TMC7: variants seen among roughly 807,000 people sequenced by gnomAD.
TMC7 encodes the protein transmembrane channel-like protein 7.
In TMC7, 54 loss-of-function variants were observed where a neutral mutation model predicts 82.9. The observed-to-expected ratio is 0.65, with a 90% CI of 0.52 to 0.82. The LOEUF (loss-of-function observed/expected upper bound fraction) is 0.82. TMC7 is among the 40% of genes least tolerant of loss of function. TMC7 has a pLI of 0.00. For missense variants in TMC7, 820 were observed against 901.2 expected (o/e 0.91, Z 1.15); for synonymous variants, 350 against 337.9 (o/e 1.04, Z -0.39).
At chr16:18,994,095 T>C (rs11863191) in intron 1 of TMC7, among the ~76,000 whole-genome samples, 152,185 of 152,228 alleles carry the variant, frequency 1, 76,072 homozygotes, top group Middle Eastern at 1. Flanking sequence ...TGTGGGAGGC[T>C]GGATTGAAGT....
At chr16:19,054,756 T>C (rs1567530825) in intron 13 of TMC7, among the ~76,000 whole-genome samples, 1 of 145,532 alleles carries the variant, frequency 6.9e-6, no homozygotes, top group African/African-American at 2.5e-5. Flanking sequence ...TTTTTTTTTT[T>C]TTTTTTGAGA....
chr16:19,021,458 G>T (rs7190066), intron 3 of TMC7, among the ~76,000 whole-genome samples, 171 bp from the exon 4 acceptor site: 133,070 of 152,198 alleles, frequency 0.87, 59,423 homozygotes, highest in Non-Finnish European at 0.96. Flanking sequence ...GGTGAAAAGT[G>T]AAAACACTAG....
intron 1 of TMC7, among the ~76,000 whole-genome samples, chr16:18,997,090 G>A (rs1283097448): frequency 6.6e-6 from 1 of 152,238 alleles, no homozygotes; most frequent in Non-Finnish European, 1.5e-5. Flanking sequence ...CCTTGGTCTG[G>A]TTGGTCTGAG....
chr16:19,044,737 C>T (rs1961181576), intron 9 of TMC7, 147 bp from the exon 10 acceptor site: 1 of 592,946 alleles, frequency 1.7e-6, no homozygotes, highest in South Asian at 2.1e-5. Context: ...CACTGCTCTC[C>T]AGCCTGGGCA....
chr16:19,040,161 C>A, intron 8 of TMC7, 128 bp from the exon 9 acceptor site: 8 of 511,722 alleles, frequency 1.6e-5, no homozygotes, highest in East Asian at 3.9e-5. Flanking sequence ...CTTATGCTTA[C>A]AGGCCATGTT....
At chr16:19,046,258 G>A (rs918103683) in intron 11 of TMC7, among the ~76,000 whole-genome samples, 1 of 152,136 alleles carries the variant, frequency 6.6e-6, no homozygotes, top group African/African-American at 2.4e-5. Flanking sequence ...GTGACCTTGG[G>A]CAAGTTATTT....
At chr16:19,005,986 C>T (rs573931620) in intron 1 of TMC7, among the ~76,000 whole-genome samples, 10 of 152,256 alleles carry the variant, frequency 6.6e-5, no homozygotes, top group Admixed American at 2.6e-4. Context: ...CTTGCCTATC[C>T]GAGAAAGGCA....
chr16:19,017,674 T>G (rs1484952847), intron 3 of TMC7, among the ~76,000 whole-genome samples: 35 of 146,126 alleles, frequency 2.4e-4, no homozygotes, highest in African/African-American at 8.7e-4. Flanking sequence ...ACAGTTTTTT[T>G]TTTTTTTTTT....
intron 1 of TMC7, among the ~76,000 whole-genome samples, chr16:18,995,382 G>A (rs1390473945): frequency 6.6e-6 from 1 of 152,192 alleles, no homozygotes; most frequent in Non-Finnish European, 1.5e-5. Context: ...TGATCAGGCA[G>A]CATCAGTCTT....
chr16:19,035,638 T>C (rs12933286), intron 6 of TMC7, 38 bp from the exon 7 acceptor site: 546,190 of 1,611,812 alleles, frequency 0.34, 95,474 homozygotes, highest in Non-Finnish European at 0.36. Flanking sequence ...TCTTTTGCTG[T>C]TGTTTCTATA....
rs570355629 is a variant in TMC7 at position 19,052,432 on chromosome 16, A to G, written c.1871+616A>G. 3.5e-4 allele frequency among the ~76,000 whole-genome samples: 53 copies of G among 152,250 alleles called. 1 individual carries two copies. The East Asian group carries it at 8.1e-3, about 23-fold the overall frequency. On this transcript the variant is annotated intron_variant, in intron 13 of 15. Transcript: ENST00000304381. ...GGCTGATCTCAAACTCCTGAGCTCA[A>G]TGATCCTCTTGCTTCAGCCTCCTGA...
chr16:18,985,773 T>A (rs1030937435), intron 1 of TMC7, among the ~76,000 whole-genome samples: 4 of 151,204 alleles, frequency 2.6e-5, no homozygotes, highest in Non-Finnish European at 5.9e-5. Context: ...TTTGTAACTT[T>A]GTAGCACTTT....
At position 19,021,768 on chromosome 16, in the gene TMC7, C is replaced by G. The variant is rs1384883416; in HGVS notation, c.600C>G (p.Ser200Arg). ...CGAAATACAAGATCACCAACAGCAG[C>G]TTCGTGCTCATTCCTTTCAAAGACA... Reference protein sequence around the residue: ...LLTKYKITNSSFVLIPFKDMD... With the variant: ...LLTKYKITNSRFVLIPFKDMD... Residue 200 changes from serine (S) to arginine (R), a missense_variant, in exon 4 of 16, where the codon AGC (serine) becomes AGG (arginine). Physicochemically the swap from Ser to Arg is moderately radical, Grantham distance 110. Around this residue, in one of 2 missense-constraint regions of TMC7, gnomAD observed 650 missense variants for 669.9 expected, o/e 0.97. Transcript: ENST00000304381. The G allele has an allele frequency of 6.2e-7, 1 of 1,614,186 alleles. No individual in the cohort carries two copies. Among genetic ancestry groups the G allele is most frequent in the South Asian group, 1.1e-5 (1 of 91,076 alleles).
At chr16:18,989,405 TTTTG>T (rs1302283606) in intron 1 of TMC7, among the ~76,000 whole-genome samples, 13 of 152,164 alleles carry the variant, frequency 8.5e-5, no homozygotes, top group Admixed American at 5.2e-4. Flanking sequence ...AGTGGCTTTT[TTTTG>T]TTTGTTTTTT....
At chr16:19,014,905 C>G (rs2142190626) in intron 2 of TMC7, among the ~76,000 whole-genome samples, 1 of 152,162 alleles carries the variant, frequency 6.6e-6, no homozygotes, top group South Asian at 2.1e-4. Flanking sequence ...ATGTGATTTT[C>G]ATGTGTCACA....
At chr16:19,011,714 T>G (rs907070317) in intron 2 of TMC7, among the ~76,000 whole-genome samples, 3 of 152,068 alleles carry the variant, frequency 2.0e-5, no homozygotes, top group Non-Finnish European at 4.4e-5. Context: ...TAAGACCCTG[T>G]CTCTATGAAG....
rs1272869457 is a variant in TMC7 at position 19,045,437 on chromosome 16, A to C, written c.1552A>C (p.Lys518Gln). ...GACACTCTTCGTGGATTTTCCTAGA[A>C]AGTAAGTGCGAGGGGTGCCCATATT... Reference protein sequence around the residue: ...AVTLFVDFPRKLLVTYCSSCK... With the variant: ...AVTLFVDFPRQLLVTYCSSCK... Residue 518 changes from lysine to glutamine, a missense_variant and splice_region_variant, in exon 11 of 16, where the codon AAG (lysine) becomes CAG (glutamine). This residue lies in a region of TMC7 where 650 missense variants were observed against 669.9 expected (regional missense o/e 0.97). Transcript: ENST00000304381. 1 of 1,609,584 alleles carries C rather than the reference A, an allele frequency of 6.2e-7. No homozygotes were observed. The highest frequency in any genetic ancestry group is 1.7e-4 in the Middle Eastern group (1 of 6,054).
chr16:19,058,160 G>A (rs2142321415), intron 14 of TMC7, among the ~76,000 whole-genome samples: 1 of 152,250 alleles, frequency 6.6e-6, no homozygotes, highest in African/African-American at 2.4e-5. Context: ...GGGAGGCCGA[G>A]GCGGGTGGAT....
chr16:19,029,620 C>G (rs1050062234), intron 5 of TMC7, among the ~76,000 whole-genome samples: 1 of 151,706 alleles, frequency 6.6e-6, no homozygotes, highest in African/African-American at 2.4e-5. Flanking sequence ...AGTAATCCTC[C>G]TGCCTCGGCC....
Sources: gnomAD v4.1 joint callset for allele counts (sites outside exome capture counted in the v4.1 genomes callset) on GRCh38, gnomAD v4.1.1 for gene constraint, gnomAD v4.1.1 regional missense constraint, MANE v1.5 for transcripts, NCBI Gene and HGNC (gene_info 2026-07-23, HGNC 2026-07-21) for gene names.